TRHDE: variants seen among roughly 807,000 people sequenced by gnomAD.
The protein encoded by TRHDE is thyrotropin-releasing hormone-degrading ectoenzyme.
In TRHDE, 72 loss-of-function variants were observed where a neutral mutation model predicts 125.7. The observed-to-expected ratio is 0.57, with a 90% CI of 0.47 to 0.70. The LOEUF is 0.70. Among genes scored for constraint, TRHDE ranks in the 30% least tolerant of loss-of-function variants. The pLI is 0.00. For synonymous variants in TRHDE, 509 were observed against 509.1 expected (o/e 1.00, Z 0.00); for missense variants, 1,110 against 1,327.1 (o/e 0.84, Z 2.54).
At position 72,380,770 on chromosome 12, in the gene TRHDE, C is replaced by CCTTCCTTCCTTG. The variant is rs1565720515; in HGVS notation, c.1315+2660_1315+2661insGCTTCCTTCCTT. Among the ~76,000 whole-genome samples, 28 of 87,506 alleles carry CCTTCCTTCCTTG rather than the reference C, an allele frequency of 3.2e-4. No homozygotes were observed. The East Asian group carries it at 7.0e-3, about 22-fold the overall frequency. 57.4% of individuals were successfully genotyped at this position (87,506 alleles called of 152,430 possible). A position where few individuals can be genotyped will look rare whatever the true frequency, so the allele number is the denominator to read the frequency against. On this transcript the variant is annotated intron_variant, in intron 3 of 18. Transcript: ENST00000261180. ...TCCTTCCTTCCTTCCTTCCTTGCTT[C>CCTTCCTTCCTTG]CTTCCTTCCTTCCTTCCTTCCTTCC...
intron 2 of TRHDE, chr12:72,257,687 TG>T (rs958639354): frequency 6.6e-6 from 1 of 152,184 alleles, no homozygotes; most frequent in African/African-American, 2.4e-5. Flanking sequence ...TACTAAAGAA[TG>T]GTAGTCAAGG....
intron 2 of TRHDE, among the ~76,000 whole-genome samples, chr12:72,245,283 C>T (rs1358061700): frequency 1.3e-5 from 2 of 148,420 alleles, no homozygotes; most frequent in Non-Finnish European, 3.0e-5. Flanking sequence ...AGGGAGAGGT[C>T]TATCTCTCCA....
At chr12:72,362,881 G>A (rs527989412) in intron 2 of TRHDE, among the ~76,000 whole-genome samples, 11 of 152,080 alleles carry the variant, frequency 7.2e-5, no homozygotes, top group Admixed American at 4.6e-4. Context: ...TTGTAGATAC[G>A]CGACATTATT....
intron 2 of TRHDE, among the ~76,000 whole-genome samples, chr12:72,125,012 T>C (rs950080816): frequency 1.3e-5 from 2 of 152,200 alleles, no homozygotes; most frequent in Non-Finnish European, 2.9e-5. Flanking sequence ...ATTCCTAATA[T>C]AAATCCTCCT....
intron 6 of TRHDE, among the ~76,000 whole-genome samples, chr12:72,516,853 A>C (rs1357719786): frequency 7.3e-4 from 111 of 152,246 alleles, no homozygotes; most frequent in African/African-American, 2.3e-3. Context: ...TTTTAGCATG[A>C]AGCGTTGTTG....
At chr12:72,516,102 G>C (rs1878845294) in intron 6 of TRHDE, among the ~76,000 whole-genome samples, 1 of 151,728 alleles carries the variant, frequency 6.6e-6, no homozygotes, top group Admixed American at 6.6e-5. Flanking sequence ...TGTTCTTTTG[G>C]CTTAGGATTA....
At chr12:72,322,578 A>C (rs1211256578) in intron 2 of TRHDE, among the ~76,000 whole-genome samples, 1 of 147,356 alleles carries the variant, frequency 6.8e-6, no homozygotes, top group African/African-American at 2.5e-5. Flanking sequence ...CCAGAAGCTC[A>C]CAGTAACTTA....
intron 1 of TRHDE, among the ~76,000 whole-genome samples, chr12:72,099,200 AT>A (rs1278276327): frequency 6.6e-6 from 1 of 152,060 alleles, no homozygotes. Context: ...AAACCATTAA[AT>A]TTTTTTGCCA....
chr12:72,491,076 A>G (rs1345071537), intron 5 of TRHDE, among the ~76,000 whole-genome samples: 7 of 151,554 alleles, frequency 4.6e-5, no homozygotes, highest in African/African-American at 1.7e-4. Context: ...CTATCTATGT[A>G]TATCCCATGT....
intron 3 of TRHDE, among the ~76,000 whole-genome samples, chr12:72,392,603 A>T (rs1592412452): frequency 6.6e-6 from 1 of 152,162 alleles, no homozygotes; most frequent in Non-Finnish European, 1.5e-5. Context: ...CAATTATGCC[A>T]CTCTGCCAGC....
chr12:72,348,585 C>A (rs1240051386), intron 2 of TRHDE, among the ~76,000 whole-genome samples: 5 of 152,020 alleles, frequency 3.3e-5, no homozygotes, highest in Non-Finnish European at 7.4e-5. Flanking sequence ...TTGCCCTACT[C>A]TTCTTATTAG....
In TRHDE at chr12:72,272,708, GGAAGAA is replaced by G; in HGVS notation, c.73_78del (p.Lys25_Lys26del). On this transcript the variant is annotated inframe_deletion, in exon 1 of 19. Transcript: ENST00000261180. This position sits in a 1 kb window ranked among gnomAD's most constrained non-coding sequence, Gnocchi z 6.7. Reference sequence around the variant, plus strand: ...AAGAAAAAGAAGAAGAAAAAGAAGAGGAAGAAGAAGAAGGAGGAGGAGGAGGAGGAG... The same window carrying G: ...AAGAAAAAGAAGAAGAAAAAGAAGAGGAAGAAGGAGGAGGAGGAGGAGGAG... The G allele has an allele frequency of 1.9e-6, 2 of 1,048,858 alleles. No individual in the cohort carries two copies. The highest frequency in any genetic ancestry group is 4.0e-5 in the South Asian group (2 of 50,498). The allele number at this position is 1,048,858 out of a possible 1,614,324, so 65.0% of individuals were successfully genotyped here.
At chr12:72,627,890 G>C (rs1317803387) in intron 15 of TRHDE, among the ~76,000 whole-genome samples, 1 of 151,226 alleles carries the variant, frequency 6.6e-6, no homozygotes, top group Non-Finnish European at 1.5e-5. Flanking sequence ...TATTGCCCAG[G>C]CTTGCTGGTC....
chr12:72,428,080 A>G (rs919473833), intron 3 of TRHDE, among the ~76,000 whole-genome samples: 8 of 152,172 alleles, frequency 5.3e-5, no homozygotes, highest in Non-Finnish European at 1.2e-4. Context: ...ACAGCCAGAC[A>G]TTATTCCTTT....
chr12:72,098,766 C>A (rs1340286604), intron 1 of TRHDE, among the ~76,000 whole-genome samples: 1 of 152,178 alleles, frequency 6.6e-6, no homozygotes, highest in African/African-American at 2.4e-5. Flanking sequence ...GTGAGTGAGG[C>A]CATCTTGCAC....
rs139113519 is a variant in TRHDE at position 72,669,513 on chromosome 12, C to T, written c.*6318C>T. 14 of 151,844 alleles carry T rather than the reference C, an allele frequency of 9.2e-5. No individual in the cohort carries two copies. In the East Asian group the frequency reaches 2.7e-3, roughly 29 times the overall value. The allele number at this position is 151,844 out of a possible 1,614,324, so 9.4% of individuals were successfully genotyped here. A position where few individuals can be genotyped will look rare whatever the true frequency, so the allele number is the denominator to read the frequency against. ...TTACAGTGGAGTTAAGAACATCTGCCTCAAATGTACAGTGCATTTACTTTT... is the reference window on the plus strand; with the variant it reads ...TTACAGTGGAGTTAAGAACATCTGCTTCAAATGTACAGTGCATTTACTTTT... On this transcript the variant is annotated 3_prime_UTR_variant, in exon 19 of 19. Transcript: ENST00000261180.
chr12:72,150,467 A>G (rs1876333233), intron 2 of TRHDE, among the ~76,000 whole-genome samples: 1 of 151,246 alleles, frequency 6.6e-6, no homozygotes, highest in African/African-American at 2.4e-5. Flanking sequence ...TTATATATGT[A>G]TACATGTGCC....
intron 3 of TRHDE, among the ~76,000 whole-genome samples, chr12:72,379,468 A>G (rs1156884508): frequency 6.6e-6 from 1 of 152,204 alleles, no homozygotes; most frequent in East Asian, 1.9e-4. Context: ...GGAATACTTG[A>G]CCTCATTTGC....
chr12:72,538,427 G>T (rs1868976563), intron 6 of TRHDE, among the ~76,000 whole-genome samples: 2 of 151,862 alleles, frequency 1.3e-5, no homozygotes, highest in South Asian at 4.1e-4. Flanking sequence ...ATGGATATTT[G>T]TTGAGCGCCT....
Sources: gnomAD v4.1 joint callset for allele counts (sites outside exome capture counted in the v4.1 genomes callset) on GRCh38, gnomAD v4.1.1 for gene constraint, Gnocchi (gnomAD v3.1) non-coding constraint, MANE v1.5 for transcripts, NCBI Gene and HGNC (gene_info 2026-07-23, HGNC 2026-07-21) for gene names.